The following CLMP variants were observed in gnomAD, a reference collection of about 807,000 sequenced individuals.
CLMP encodes the protein CXADR like cell adhesion molecule, also known as CXADR-like membrane protein.
Under a neutral mutation model 45.2 loss-of-function variants are expected in CLMP, and 27 were observed. The observed-to-expected ratio is 0.60, with a 90% CI of 0.44 to 0.82. The LOEUF (loss-of-function observed/expected upper bound fraction) is 0.82. Among genes scored for constraint, CLMP ranks in the 40% least tolerant of loss-of-function variants. The pLI is 0.00. For missense variants in CLMP, 403 were observed against 448.4 expected, an observed-to-expected ratio of 0.90 and a Z score of 0.91; for synonymous variants, 167 against 171.4, an observed-to-expected ratio of 0.97 and a Z score of 0.20.
intron 5 of CLMP, among the ~76,000 whole-genome samples, chr11:123,076,991 CTTTT>C (rs869224079): frequency 1.0e-5 from 1 of 99,674 alleles, no homozygotes; most frequent in Non-Finnish European, 2.0e-5. Context: ...GCTATTTATT[CTTTT>C]TTTTTTTTTT....
chr11:123,101,946 G>A (rs901363121), intron 1 of CLMP, among the ~76,000 whole-genome samples: 3 of 152,154 alleles, frequency 2.0e-5, no homozygotes, highest in African/African-American at 7.2e-5. Flanking sequence ...CACTTTGGGA[G>A]GCCAGAGTGG....
intron 2 of CLMP, among the ~76,000 whole-genome samples, chr11:123,092,013 G>A (rs1865936501): frequency 6.6e-6 from 1 of 151,946 alleles, no homozygotes; most frequent in African/African-American, 2.4e-5. Context: ...GATAGATCTC[G>A]GCTTTGATTA....
At chr11:123,100,340 C>T (rs1866040744) in intron 1 of CLMP, among the ~76,000 whole-genome samples, 1 of 151,434 alleles carries the variant, frequency 6.6e-6, no homozygotes. Context: ...GAGATCGCAC[C>T]ATTGCACTCC....
At chr11:123,091,034 C>A (rs1865926632) in intron 2 of CLMP, among the ~76,000 whole-genome samples, 1 of 152,172 alleles carries the variant, frequency 6.6e-6, no homozygotes, top group African/African-American at 2.4e-5. Context: ...CCAGTATCTT[C>A]AAGGCCTATC....
intron 1 of CLMP, among the ~76,000 whole-genome samples, chr11:123,139,476 C>T (rs1861124689): frequency 6.6e-6 from 1 of 152,136 alleles, no homozygotes; most frequent in South Asian, 2.1e-4. Flanking sequence ...ATCTGCAATA[C>T]AAAGGAGTTG....
At chr11:123,091,761 C>A (rs1353750775) in intron 2 of CLMP, among the ~76,000 whole-genome samples, 1 of 152,174 alleles carries the variant, frequency 6.6e-6, no homozygotes, top group East Asian at 1.9e-4. Context: ...GTCATGCAGG[C>A]CCATCTGTGT....
chr11:123,112,878 A>G (rs1392734229), intron 1 of CLMP, among the ~76,000 whole-genome samples: 1 of 145,228 alleles, frequency 6.9e-6, no homozygotes, highest in Non-Finnish European at 1.5e-5. Flanking sequence ...GGTTCACGCC[A>G]TTCTCCTGCC....
chr11:123,122,540 A>G (rs189403726), intron 1 of CLMP, among the ~76,000 whole-genome samples: 382 of 152,102 alleles, frequency 2.5e-3, no homozygotes, highest in African/African-American at 8.7e-3. Flanking sequence ...CGGTGGCCAC[A>G]CTCCTACTGG....
chr11:123,150,504 G>GA (rs1555084572), intron 1 of CLMP, among the ~76,000 whole-genome samples: 2 of 116,552 alleles, frequency 1.7e-5, no homozygotes, highest in African/African-American at 6.9e-5. Flanking sequence ...AGGAAGGAAG[G>GA]AAGGAAGGAA....
intron 1 of CLMP, among the ~76,000 whole-genome samples, chr11:123,176,247 G>A (rs1861698096): frequency 6.6e-6 from 1 of 152,002 alleles, no homozygotes; most frequent in Admixed American, 6.6e-5. Flanking sequence ...TAAAACTATA[G>A]TCAATAATAT....
intron 1 of CLMP, among the ~76,000 whole-genome samples, chr11:123,164,634 CTAAT>C (rs1197606953): frequency 6.6e-6 from 1 of 151,568 alleles, no homozygotes; most frequent in Non-Finnish European, 1.5e-5. Flanking sequence ...GAATGAAAAA[CTAAT>C]CAAGTGAGAG....
At chr11:123,143,891 C>G (rs1414823319) in intron 1 of CLMP, among the ~76,000 whole-genome samples, 2 of 151,942 alleles carry the variant, frequency 1.3e-5, no homozygotes, top group African/African-American at 4.8e-5. Flanking sequence ...TCACTGCAAC[C>G]CCTACCTCCC....
intron 1 of CLMP, among the ~76,000 whole-genome samples, chr11:123,122,123 A>G (rs1159652984): frequency 3.3e-5 from 5 of 152,160 alleles, no homozygotes; most frequent in African/African-American, 7.2e-5. Flanking sequence ...AATATCCGTA[A>G]GTGATTTAGG....
chr11:123,091,081 TTCTC>T (rs548321389), intron 2 of CLMP, among the ~76,000 whole-genome samples: 5 of 151,472 alleles, frequency 3.3e-5, no homozygotes, highest in East Asian at 3.9e-4. Context: ...CCTTCTTTCT[TTCTC>T]TCTCTCTCTC....
chr11:123,089,797 AAAG>A (rs1363657782), intron 2 of CLMP, among the ~76,000 whole-genome samples: 2 of 134,110 alleles, frequency 1.5e-5, no homozygotes, highest in African/African-American at 3.0e-5. Flanking sequence ...AAAAAAAGAA[AAAG>A]AAAAAGAAAC....
At chr11:123,167,945 C>T (rs1404083103) in intron 1 of CLMP, among the ~76,000 whole-genome samples, 1 of 147,396 alleles carries the variant, frequency 6.8e-6, no homozygotes, top group African/African-American at 2.7e-5. Context: ...TCTTATCAAG[C>T]CCAGGAAGGA....
At chr11:123,144,395 G>A (rs943576223) in intron 1 of CLMP, among the ~76,000 whole-genome samples, 13 of 152,086 alleles carry the variant, frequency 8.5e-5, no homozygotes, top group Admixed American at 5.9e-4. Flanking sequence ...TTTTGAGACC[G>A]ACTTTCGCTC....
At chr11:123,104,683 G>C (rs1310822375) in intron 1 of CLMP, among the ~76,000 whole-genome samples, 5 of 152,116 alleles carry the variant, frequency 3.3e-5, no homozygotes, top group African/African-American at 1.2e-4. Flanking sequence ...ACCGCGTCCG[G>C]CCTCTGTCTT....
At chr11:123,121,718 C>A (rs1354598312) in intron 1 of CLMP, among the ~76,000 whole-genome samples, 2 of 152,150 alleles carry the variant, frequency 1.3e-5, no homozygotes, top group Non-Finnish European at 2.9e-5. Context: ...AGTCCTTGAG[C>A]CTTTTAATAA....
Sources: gnomAD v4.1 joint callset for allele counts (sites outside exome capture counted in the v4.1 genomes callset) on GRCh38, gnomAD v4.1.1 for gene constraint, MANE v1.5 for transcripts, NCBI Gene and HGNC (gene_info 2026-07-23, HGNC 2026-07-21) for gene names.